Variants in OSBPL3 observed in about 807,000 individuals in gnomAD.
OSBPL3 encodes the protein oxysterol binding protein like 3.
OSBPL3 carries 65 observed loss-of-function variants against 120.1 expected under a neutral mutation model. That is an observed-to-expected ratio of 0.54 (90% CI 0.44 to 0.67). OSBPL3 has a LOEUF of 0.67. Among genes scored for constraint, OSBPL3 ranks in the 30% least tolerant of loss-of-function variants. The pLI is 0.00. For synonymous variants in OSBPL3, 416 were observed against 402.6 expected (o/e 1.03, Z -0.40); for missense variants, 1,004 against 1,082.1 (o/e 0.93, Z 1.01).
intron 1 of OSBPL3, among the ~76,000 whole-genome samples, chr7:24,969,093 G>A (rs1446737029): frequency 6.6e-6 from 1 of 152,168 alleles, no homozygotes; most frequent in African/African-American, 2.4e-5. Flanking sequence ...CTACAGTTTG[G>A]ACCGATTTAC....
intron 16 of OSBPL3, among the ~76,000 whole-genome samples, chr7:24,828,474 G>A (rs959850508): frequency 4.6e-5 from 7 of 151,810 alleles, no homozygotes; most frequent in Non-Finnish European, 1.0e-4. Context: ...TGGGCATGGT[G>A]GCACAAGCCT....
rs1806555167 is a variant in OSBPL3, at chr7:24,898,806, TAAAC to T, written c.-149-6189_-149-6186del. ...ACGAATTCTAGCCCAACCTCCGGCT[TAAAC>T]AAAGCAAGAACTCCCTCTATAACAT... On this transcript the variant is annotated intron_variant, in intron 1 of 22. Coordinates refer to ENST00000313367, the MANE Select transcript of OSBPL3 (RefSeq NM_015550.4). The surrounding 1 kb of genome is among the most constrained non-coding windows in gnomAD (Gnocchi z 4.3). Among the ~76,000 whole-genome samples, 1 of 152,190 alleles carries T rather than the reference TAAAC, an allele frequency of 6.6e-6. No individual in the cohort carries two copies. Among genetic ancestry groups the T allele is most frequent in the Non-Finnish European group, 1.5e-5 (1 of 68,028 alleles).
chr7:24,852,065 G>A lies in OSBPL3; in HGVS notation c.1158+439C>T, dbSNP rs960562264. On this transcript the variant is annotated intron_variant, in intron 11 of 22. Coordinates refer to ENST00000313367, the MANE Select transcript of OSBPL3 (RefSeq NM_015550.4). The surrounding 1 kb of genome is among the most constrained non-coding windows in gnomAD (Gnocchi z 4.1). ...TAAACAGGATCAGTGCTTTGCAATA[G>A]GGAAGATAAGAGCATGAATTGGAAA... 7.2e-5 allele frequency among the ~76,000 whole-genome samples: 11 copies of A among 152,160 alleles called. No individual in the cohort carries two copies. Among genetic ancestry groups the A allele is most frequent in the Non-Finnish European group, 1.6e-4 (11 of 68,046 alleles).
In OSBPL3 at chr7:24,871,931, G is replaced by GCACAGCTAAATGTAAAGATTTTCCTGTAA; in HGVS notation, c.213+21_213+22insTTACAGGAAAATCTTTACATTTAGCTGTG. The GCACAGCTAAATGTAAAGATTTTCCTGTAA allele has an allele frequency of 6.4e-7, 1 of 1,550,570 alleles. No individual in the cohort carries two copies. Reference sequence around the variant, plus strand: ...TGGGGCAGTGTGAGTGCAAATAAAGGGGAGGCCAAGACCAACCTTACCTTA... The same window carrying GCACAGCTAAATGTAAAGATTTTCCTGTAA: ...TGGGGCAGTGTGAGTGCAAATAAAGGCACAGCTAAATGTAAAGATTTTCCTGTAAGGAGGCCAAGACCAACCTTACCTTA... On this transcript the variant is annotated intron_variant, in intron 3 of 22. Transcript: ENST00000313367. The surrounding 1 kb of genome is among the most constrained non-coding windows in gnomAD (Gnocchi z 4.8).
rs1003471745 is a variant in OSBPL3, at chr7:24,797,019, C to A, written c.*3164G>T. The A allele has an allele frequency of 6.6e-6, 1 of 152,228 alleles. No individual in the cohort carries two copies. Among genetic ancestry groups the A allele is most frequent in the Non-Finnish European group, 1.5e-5 (1 of 68,036 alleles). 9.4% of individuals were successfully genotyped at this position (152,228 alleles called of 1,614,324 possible). On this transcript the variant is annotated 3_prime_UTR_variant, in exon 23 of 23. Coordinates refer to ENST00000313367, the MANE Select transcript of OSBPL3 (RefSeq NM_015550.4). This position sits in a 1 kb window ranked among gnomAD's most constrained non-coding sequence, Gnocchi z 4.8. ...ACTATTATTCCTAAGACCATAAGGA[C>A]ACCTTCTTATTGCTTCTACTCATAA...
rs17150233 is a variant in OSBPL3 at position 24,821,504 on chromosome 7, T to C, written c.1885-1266A>G. Among the ~76,000 whole-genome samples the C allele has an allele frequency of 0.013, 1,923 of 152,158 alleles. 38 individuals are homozygous for C. Among genetic ancestry groups the C allele is most frequent in the African/African-American group, 0.044 (1,834 of 41,484 alleles). On this transcript the variant is annotated intron_variant, in intron 16 of 22. Coordinates refer to ENST00000313367, the MANE Select transcript of OSBPL3 (RefSeq NM_015550.4). This position sits in a 1 kb window ranked among gnomAD's most constrained non-coding sequence, Gnocchi z 5.5. ...CCTTGGGACCCTCAGCTGAGGAACA[T>C]GGTTTGAAAACTACTTCTGTATGCC...
rs1808474092 is a variant in OSBPL3 at position 24,909,594 on chromosome 7, A to C, written c.-149-16973T>G. On this transcript the variant is annotated intron_variant, in intron 1 of 22. Transcript: ENST00000313367. ...TCAGTTACACAGGTATAGCACAAAT[A>C]ACATTGGCCCTAAGAAGCTGGCATG... Among the ~76,000 whole-genome samples the C allele has an allele frequency of 2.0e-5, 3 of 152,168 alleles. No individual in the cohort carries two copies. In the South Asian group the frequency reaches 6.2e-4, roughly 32 times the overall value.
chr7:24,979,823 C>G (rs553052418), intron 1 of OSBPL3, 63 bp downstream of exon 1: 1 of 686,374 alleles, frequency 1.5e-6, no homozygotes, highest in Non-Finnish European at 1.8e-6. Context: ...CCCTTCCGAG[C>G]CCGCGCCGCC....
At chr7:24,823,281 C>A (rs2128147059) in intron 16 of OSBPL3, among the ~76,000 whole-genome samples, 1 of 152,180 alleles carries the variant, frequency 6.6e-6, no homozygotes, top group African/African-American at 2.4e-5. Context: ...GGATCATACA[C>A]TGATGTGGAT....
In OSBPL3 at chr7:24,800,266, C is replaced by T; in HGVS notation, c.2581G>A (p.Asp861Asn). 4 of 1,609,378 alleles carry T rather than the reference C, an allele frequency of 2.5e-6. No individual in the cohort carries two copies. The highest frequency in any genetic ancestry group is 3.4e-6 in the Non-Finnish European group (4 of 1,175,948). Residue 861 changes from aspartate to asparagine, a missense_variant, in exon 23 of 23, where the codon GAC (aspartate) becomes AAC (asparagine). Asp to Asn is a conservative substitution (Grantham distance 23, BLOSUM62 1). This residue lies in a region of OSBPL3 where 473 missense variants were observed against 568.0 expected (regional missense o/e 0.83). Transcript: ENST00000313367. ...TAGGTGCCGTTGCTCACCCAAGAGT[C>T]ATCGTCGGATTTCCTGTGAAAGAAG... ...QPRFFRKSDDDSWVSNGTYLE... is the reference protein window; with the variant it reads ...QPRFFRKSDDNSWVSNGTYLE...
At chr7:24,860,570 C>A (rs1237230242) in intron 10 of OSBPL3, among the ~76,000 whole-genome samples, 1 of 152,162 alleles carries the variant, frequency 6.6e-6, no homozygotes, top group Admixed American at 6.5e-5. Flanking sequence ...TGAGGCCTCC[C>A]CAGCCACATG....
chr7:24,912,864 G>A lies in OSBPL3; in HGVS notation c.-149-20243C>T, dbSNP rs112977870. 1.3e-5 allele frequency among the ~76,000 whole-genome samples: 2 copies of A among 152,120 alleles called. No individual in the cohort carries two copies. Among genetic ancestry groups the A allele is most frequent in the African/African-American group, 4.8e-5 (2 of 41,414 alleles). ...CTAATTATGGCAGAAATGATGCTTC[G>A]TGACTTCTGAGGCTGCATTAGAAAT... On this transcript the variant is annotated intron_variant, in intron 1 of 22. Transcript: ENST00000313367. This position sits in a 1 kb window ranked among gnomAD's most constrained non-coding sequence, Gnocchi z 4.5.
intron 14 of OSBPL3, among the ~76,000 whole-genome samples, chr7:24,837,551 C>A (rs1395302962): frequency 6.6e-6 from 1 of 152,164 alleles, no homozygotes. Flanking sequence ...AAAAAATTTT[C>A]TTTGATTACA....
intron 5 of OSBPL3, among the ~76,000 whole-genome samples, chr7:24,868,220 G>A (rs1219845540): frequency 1.3e-5 from 2 of 151,908 alleles, no homozygotes; most frequent in African/African-American, 4.8e-5. Context: ...AGGAGTCTGA[G>A]GCAGGAGAAT....
At chr7:24,958,014 A>T (rs754940974) in intron 1 of OSBPL3, among the ~76,000 whole-genome samples, 1 of 152,138 alleles carries the variant, frequency 6.6e-6, no homozygotes, top group Non-Finnish European at 1.5e-5. Flanking sequence ...ATTCTCCCAC[A>T]TTTAGGTTAT....
In OSBPL3 at chr7:24,894,979, CCT is replaced by C. The variant is rs988947828; in HGVS notation, c.-149-2360_-149-2359del. Among the ~76,000 whole-genome samples, 2 of 152,136 alleles carry C rather than the reference CCT, an allele frequency of 1.3e-5. No individual in the cohort carries two copies. The highest frequency in any genetic ancestry group is 4.8e-5 in the African/African-American group (2 of 41,430). On this transcript the variant is annotated intron_variant, in intron 1 of 22. Coordinates refer to ENST00000313367, the MANE Select transcript of OSBPL3 (RefSeq NM_015550.4). The surrounding 1 kb of genome is among the most constrained non-coding windows in gnomAD (Gnocchi z 4.1). The stretch of plus-strand genomic sequence containing the variant: ...GCATGACCCCCTGGTGACCCCTACC[CCT>C]GTCTCCTTTCCCCTTCTGGGAAAGA...
intron 1 of OSBPL3, among the ~76,000 whole-genome samples, chr7:24,919,774 A>C (rs1810162347): frequency 2.0e-5 from 3 of 151,318 alleles, no homozygotes; most frequent in Admixed American, 1.3e-4. Context: ...ATATGGGTCT[A>C]GTATGCAGAA....
intron 16 of OSBPL3, among the ~76,000 whole-genome samples, chr7:24,828,632 A>AAAAAAAAAAAAAAAAC: frequency 6.7e-6 from 1 of 148,412 alleles, no homozygotes; most frequent in Non-Finnish European, 1.5e-5. Flanking sequence ...GAAAAAAAAA[A>AAAAAAAAAAAAAAAAC]AAAAGGCATC....
chr7:24,879,463 G>A lies in OSBPL3; in HGVS notation c.97-7394C>T, dbSNP rs1803337888. 6.6e-6 allele frequency among the ~76,000 whole-genome samples: 1 copy of A among 152,154 alleles called. No individual in the cohort carries two copies. Among genetic ancestry groups the A allele is most frequent in the African/African-American group, 2.4e-5 (1 of 41,448 alleles). ...CTCTCCAACCTCAGGCCAGAGCTAG[G>A]GAAGTGAATATCCAGATAATTCAGG... On this transcript the variant is annotated intron_variant, in intron 2 of 22. Coordinates refer to ENST00000313367, the MANE Select transcript of OSBPL3 (RefSeq NM_015550.4). The surrounding 1 kb of genome is among the most constrained non-coding windows in gnomAD (Gnocchi z 5.6).
Sources: allele counts gnomAD v4.1 joint callset (sites outside exome capture counted in the v4.1 genomes callset), GRCh38; gene constraint gnomAD v4.1.1; regional missense constraint gnomAD v4.1.1; non-coding constraint Gnocchi (gnomAD v3.1); transcripts MANE v1.5; gene names NCBI Gene and HGNC (gene_info 2026-07-23, HGNC 2026-07-21).